NDUFA8: variants seen among roughly 807,000 people sequenced by gnomAD.
NDUFA8 encodes the protein NADH:ubiquinone oxidoreductase subunit A8.
In NDUFA8, 16 loss-of-function variants were observed where a neutral mutation model predicts 20.9. The observed-to-expected ratio is 0.77, with a 90% CI of 0.52 to 1.16. The LOEUF is 1.16. Among genes scored for constraint, NDUFA8 ranks in the 50% most tolerant of loss-of-function variants. The pLI is 0.00. For missense variants in NDUFA8, 202 were observed against 216.4 expected (o/e 0.93, Z 0.42); for synonymous variants, 70 against 76.1 (o/e 0.92, Z 0.41).
chr9:122,159,494 G>C (rs1294418677), intron 1 of NDUFA8, 133 bp downstream of exon 1: 2 of 1,081,498 alleles, frequency 1.8e-6, no homozygotes, highest in Non-Finnish European at 2.9e-6. Flanking sequence ...TCCGGGGGTC[G>C]ACCTGTATAT....
At position 122,150,971 on chromosome 9, in the gene NDUFA8, C is replaced by CAAAAA. The variant is rs71508152; in HGVS notation, c.215+1269_215+1273dup. 1.8e-4 allele frequency among the ~76,000 whole-genome samples: 9 copies of CAAAAA among 50,380 alleles called. 1 individual carries two copies. The highest frequency in any genetic ancestry group is 8.5e-4 in the East Asian group (1 of 1,176). The allele number at this position is 50,380 out of a possible 152,430, so 33.1% of individuals were successfully genotyped here. A position where few individuals can be genotyped will look rare whatever the true frequency, so the allele number is the denominator to read the frequency against. On this transcript the variant is annotated intron_variant, in intron 2 of 3. Coordinates refer to ENST00000373768, the MANE Select transcript of NDUFA8 (RefSeq NM_014222.3). ...TGGGCAACAGAGTGAGACTCCGTCTCAAAAAAAAAAAAAAAAAAAAAAAAG... is the reference window on the plus strand; with the variant it reads ...TGGGCAACAGAGTGAGACTCCGTCTCAAAAAAAAAAAAAAAAAAAAAAAAAAAAAG...
intron 1 of NDUFA8, among the ~76,000 whole-genome samples, chr9:122,157,882 G>A (rs1005256271): frequency 6.6e-6 from 1 of 152,190 alleles, no homozygotes; most frequent in African/African-American, 2.4e-5. Context: ...GGCCAGGCGC[G>A]GTGGCTCACG....
At chr9:122,151,392 C>T (rs1412209436) in intron 2 of NDUFA8, among the ~76,000 whole-genome samples, 1 of 152,202 alleles carries the variant, frequency 6.6e-6, no homozygotes, top group South Asian at 2.1e-4. Context: ...GATATGTATA[C>T]GAAGTCCGCC....
intron 1 of NDUFA8, among the ~76,000 whole-genome samples, chr9:122,159,112 A>G (rs989075894): frequency 1.3e-5 from 2 of 152,162 alleles, no homozygotes; most frequent in Non-Finnish European, 2.9e-5. Context: ...AATGCTTTAA[A>G]TGGGTCCTGT....
intron 3 of NDUFA8, 31 bp from the exon 4 acceptor site, chr9:122,144,409 T>G: frequency 5.6e-6 from 9 of 1,602,940 alleles, no homozygotes; most frequent in Non-Finnish European, 7.7e-6. Context: ...AAAAGCAAAG[T>G]TGAAAGCTAG....
At chr9:122,139,749 G>A (rs1324919434), downstream of NDUFA8, among the ~76,000 whole-genome samples, 2 of 152,216 alleles carry the variant, frequency 1.3e-5, no homozygotes, top group East Asian at 1.9e-4. Flanking sequence ...GCTGGAGTGC[G>A]GTGGCATGAT....
chr9:122,144,357 G>A lies in NDUFA8; in HGVS notation c.403C>T (p.Arg135Ter), dbSNP rs760549929. Residue 135 changes from arginine (R) to a stop codon, truncating the protein, a stop_gained, in exon 4 of 4, where the codon CGA (arginine) becomes TGA (stop). Coordinates refer to ENST00000373768, the MANE Select transcript of NDUFA8 (RefSeq NM_014222.3). LOFTEE classifies it high-confidence loss of function. ...TGATAGGGATTCTCCGGTAAAGGTC[G>A]ATCTGTTTTCACTTTGGTGACCTGG... ...LSKVTKVKTDRPLPENPYHSR... is the reference protein window; with the variant it reads ...LSKVTKVKTD 6.2e-6 allele frequency: 10 copies of A among 1,614,118 alleles called. No individual in the cohort carries two copies. Among genetic ancestry groups the A allele is most frequent in the Non-Finnish European group, 8.5e-6 (10 of 1,179,990 alleles).
At chr9:122,137,978 T>C in the NDUFA8 span, among the ~76,000 whole-genome samples, 1 of 152,156 alleles carries the variant, frequency 6.6e-6, no homozygotes, top group Non-Finnish European at 1.5e-5. Context: ...CTAAAGGACT[T>C]TCTGGAAAGT....
At chr9:122,143,979 G>T, downstream of NDUFA8, 1 of 1,054,704 alleles carries the variant, frequency 9.5e-7, no homozygotes, top group Non-Finnish European at 1.3e-6. Flanking sequence ...GGAACAGGCA[G>T]GACCACAAGA....
At chr9:122,140,295 T>C (rs115637093), downstream of NDUFA8, among the ~76,000 whole-genome samples, 1,966 of 152,280 alleles carry the variant, frequency 0.013, 49 homozygotes, top group African/African-American at 0.046. Flanking sequence ...TCAAGACACA[T>C]AAAGGCATCA....
intron 1 of NDUFA8, among the ~76,000 whole-genome samples, chr9:122,159,235 G>A (rs896301030): frequency 1.3e-5 from 2 of 152,136 alleles, no homozygotes; most frequent in African/African-American, 4.8e-5. Flanking sequence ...CCACTTTAAG[G>A]TAGATGACCG....
chr9:122,158,723 T>C (rs57106799), intron 1 of NDUFA8, among the ~76,000 whole-genome samples: 16,981 of 149,486 alleles, frequency 0.11, 3,361 homozygotes, highest in African/African-American at 0.4. Context: ...TATACATATA[T>C]ATATATACAC....
At chr9:122,150,335 C>T (rs950830970) in intron 2 of NDUFA8, among the ~76,000 whole-genome samples, 6 of 140,866 alleles carry the variant, frequency 4.3e-5, no homozygotes, top group African/African-American at 1.3e-4. Context: ...GGCGCGAACC[C>T]GGGAGGCGGA....
At chr9:122,140,965 C>T (rs946292521), downstream of NDUFA8, among the ~76,000 whole-genome samples, 12 of 152,196 alleles carry the variant, frequency 7.9e-5, no homozygotes, top group African/African-American at 2.4e-4. Flanking sequence ...CATTGTGTCA[C>T]GGGAACAAAG....
At position 122,159,703 on chromosome 9, in the gene NDUFA8, A is replaced by G. The variant is rs777685872; in HGVS notation, c.-26T>C. On this transcript the variant is annotated 5_prime_UTR_variant, in exon 1 of 4. Transcript: ENST00000373768. ...GACGGCTGCAGCCCCGACCCCGACG[A>G]GAAGCCCTCAGCCGCGTCGCCCCCG... is the stretch of plus-strand genomic sequence containing the variant. 1.9e-6 allele frequency: 3 copies of G among 1,614,032 alleles called. No homozygotes were observed. The South Asian group carries it at 3.3e-5, about 18-fold the overall frequency.
chr9:122,147,001 T>C (rs1325688703), intron 3 of NDUFA8, among the ~76,000 whole-genome samples: 2 of 152,242 alleles, frequency 1.3e-5, no homozygotes, highest in African/African-American at 4.8e-5. Flanking sequence ...TGCCATGTTA[T>C]GGAGAAGATG....
At chr9:122,144,420 G>A (rs1461360098) in intron 3 of NDUFA8, 42 bp from the exon 4 acceptor site, 3 of 1,587,594 alleles carry the variant, frequency 1.9e-6, no homozygotes, top group Non-Finnish European at 1.7e-6. Context: ...TGAAAGCTAG[G>A]GTGGAGGAAT....
chr9:122,156,066 C>CA (rs1372853931), intron 1 of NDUFA8, among the ~76,000 whole-genome samples: 1 of 152,224 alleles, frequency 6.6e-6, no homozygotes, highest in African/African-American at 2.4e-5. Flanking sequence ...CCCATTATAT[C>CA]ACCATCACTG....
chr9:122,159,398 G>GA (rs1191383058), intron 1 of NDUFA8, among the ~76,000 whole-genome samples: 1 of 152,172 alleles, frequency 6.6e-6, no homozygotes, highest in African/African-American at 2.4e-5. Flanking sequence ...TGTGGAGGGC[G>GA]AAAGGGGGAG....
Sources: allele counts gnomAD v4.1 joint callset (sites outside exome capture counted in the v4.1 genomes callset), GRCh38; gene constraint gnomAD v4.1.1; transcripts MANE v1.5; gene names NCBI Gene and HGNC (gene_info 2026-07-23, HGNC 2026-07-21).